Variants in CUBN observed in about 807,000 individuals in gnomAD.
CUBN encodes 460 kDa receptor.
A neutral mutation model predicts 405.3 loss-of-function variants in CUBN; 282 were observed. The observed-to-expected ratio is 0.70, with a 90% CI of 0.63 to 0.77. The LOEUF is 0.77. CUBN is among the 30% of genes least tolerant of loss of function. The pLI, the probability that CUBN is intolerant of heterozygous loss-of-function variation, is 0.00. For missense variants in CUBN, 4,514 were observed against 4,475.2 expected, an observed-to-expected ratio of 1.01 and a Z score of -0.25; for synonymous variants, 1,684 against 1,617.0, an observed-to-expected ratio of 1.04 and a Z score of -0.99.
At chr10:16,963,986 G>A (rs932070293) in intron 31 of CUBN, among the ~76,000 whole-genome samples, 3 of 152,188 alleles carry the variant, frequency 2.0e-5, no homozygotes, top group African/African-American at 7.2e-5. Flanking sequence ...TCAATGATAG[G>A]AGCATGTGGG....
chr10:17,075,831 G>A (rs1835844379), intron 17 of CUBN, among the ~76,000 whole-genome samples: 1 of 152,078 alleles, frequency 6.6e-6, no homozygotes, highest in African/African-American at 2.4e-5. Context: ...CTGAGGGAAG[G>A]GAAAAATTTC....
At chr10:16,936,569 C>A (rs145893687) in intron 39 of CUBN, among the ~76,000 whole-genome samples, 189 of 152,212 alleles carry the variant, frequency 1.2e-3, no homozygotes, top group African/African-American at 4.1e-3. Context: ...GTTCAGAGTT[C>A]GAATATTCTT....
Position 17,071,508 on chromosome 10 carries a change from T to A in CUBN, c.2543A>T (p.Gln848Leu). The A allele has an allele frequency of 6.2e-7, 1 of 1,614,078 alleles. No homozygotes were observed. Among genetic ancestry groups the A allele is most frequent in the Non-Finnish European group, 8.5e-7 (1 of 1,179,958 alleles). ...GAGGAGAATGACTTGGCTTTGGGGCTGGTGGATGGTCCACCTACAGGTTCT... is the reference window on the plus strand; with the variant it reads ...GAGGAGAATGACTTGGCTTTGGGGCAGGTGGATGGTCCACCTACAGGTTCT... Reference protein sequence around the residue: ...GERTCRWTIHQPQSQVILLNF... With the variant: ...GERTCRWTIHLPQSQVILLNF... The change falls in exon 19 of 67, where the codon CAG becomes CTG. Residue 848 changes from glutamine (Q) to leucine (L), a missense_variant. Coordinates refer to ENST00000377833, the MANE Select transcript of CUBN (RefSeq NM_001081.4).
At chr10:17,022,425 T>C (rs1834523996) in intron 27 of CUBN, among the ~76,000 whole-genome samples, 1 of 152,228 alleles carries the variant, frequency 6.6e-6, no homozygotes, top group Admixed American at 6.5e-5. Flanking sequence ...TTCGTACTGC[T>C]GCTTTGAATG....
intron 4 of CUBN, among the ~76,000 whole-genome samples, chr10:17,124,663 C>T (rs999085266): frequency 1.4e-4 from 21 of 151,936 alleles, no homozygotes; most frequent in Admixed American, 4.6e-4. Context: ...CTCCTGACCT[C>T]GTGATCCGCC....
intron 28 of CUBN, 28 bp downstream of exon 28, chr10:17,019,805 A>G: frequency 6.2e-7 from 1 of 1,614,018 alleles, no homozygotes; most frequent in Non-Finnish European, 8.5e-7. Context: ...GCAACTGCAA[A>G]TACAACTGAG....
intron 3 of CUBN, among the ~76,000 whole-genome samples, chr10:17,127,009 T>A (rs544513844): frequency 5.9e-5 from 9 of 152,230 alleles, no homozygotes; most frequent in South Asian, 2.1e-4. Flanking sequence ...GGGGTTTTTT[T>A]AAGTTTTTTT....
intron 60 of CUBN, among the ~76,000 whole-genome samples, chr10:16,846,331 T>C (rs1444202979): frequency 6.6e-6 from 1 of 152,244 alleles, no homozygotes; most frequent in East Asian, 1.9e-4. Context: ...AAAAGGAATC[T>C]ATTTTATTAT....
At chr10:17,122,549 T>A in intron 6 of CUBN, 1 of 553,852 alleles carries the variant, frequency 1.8e-6, no homozygotes. Context: ...CACGGGAGCC[T>A]TCTTCCGGTT....
chr10:16,926,282 T>A (rs1446093483), intron 41 of CUBN, among the ~76,000 whole-genome samples: 1 of 152,086 alleles, frequency 6.6e-6, no homozygotes, highest in Admixed American at 6.6e-5. Flanking sequence ...TAGAGGTACA[T>A]CATGGAAGTC....
chr10:16,988,032 C>T (rs1438360766), intron 29 of CUBN, among the ~76,000 whole-genome samples: 1 of 152,146 alleles, frequency 6.6e-6, no homozygotes, highest in Non-Finnish European at 1.5e-5. Context: ...ATAGGGCTCT[C>T]CTTGAAAGCC....
chr10:17,084,405 C>G lies in CUBN; in HGVS notation c.2167G>C (p.Glu723Gln), dbSNP rs1836052580. Residue 723 changes from glutamate (E) to glutamine (Q), a missense_variant, in exon 17 of 67, where the codon GAG becomes CAG. Physicochemically the swap from Glu to Gln is conservative, Grantham distance 29 (BLOSUM62 2). Around this residue, in one of 5 missense-constraint regions of CUBN, gnomAD observed 1,448 missense variants for 1,388.0 expected, o/e 1.04. Transcript: ENST00000377833. The stretch of plus-strand genomic sequence containing the variant: ...GTGTGAGTGAAAGGCCCAGACAACT[C>G]AGGCAAGAAGAGTTCACCCTCTGGG... ...TDPEGELFLP[E>Q]LSGPFTHTRQ... 1 of 1,613,964 alleles carries G rather than the reference C, an allele frequency of 6.2e-7. No homozygotes were observed. Among genetic ancestry groups the G allele is most frequent in the African/African-American group, 1.3e-5 (1 of 74,940 alleles).
chr10:17,071,948 A>T lies in CUBN; in HGVS notation c.2325T>A (p.Leu775=), dbSNP rs777466746. 1.2e-6 allele frequency: 2 copies of T among 1,612,954 alleles called. No individual in the cohort carries two copies. Among genetic ancestry groups the T allele is most frequent in the Admixed American group, 1.7e-5 (1 of 59,954 alleles). ...YIEVRDGETL[L]GKVCGNGTIS... is the part of the protein sequence containing the mutation. ...TGGTTCCGTTGCCACAGACTTTTCC[A>T]AGTAAGGTTTCACCATCTCGAACCT... is the stretch of plus-strand genomic sequence containing the variant. The change falls in exon 18 of 67, where the codon CTT becomes CTA. Residue 775 remains leucine (L), a synonymous_variant. Coordinates refer to ENST00000377833, the MANE Select transcript of CUBN (RefSeq NM_001081.4).
rs545508501 is a variant in CUBN, at chr10:16,967,527, T to C, written c.4696-12979A>G. On this transcript the variant is annotated intron_variant, in intron 31 of 66. Coordinates refer to ENST00000377833, the MANE Select transcript of CUBN (RefSeq NM_001081.4). ...CACTGGCTCAGCATTTGGTTGTTAA[T>C]AAGACACCCGCACCAGGAAGCAAAG... Among the ~76,000 whole-genome samples the C allele has an allele frequency of 5.3e-5, 8 of 152,202 alleles. No individual in the cohort carries two copies. The South Asian group carries it at 1.7e-3, about 32-fold the overall frequency.
intron 60 of CUBN, among the ~76,000 whole-genome samples, chr10:16,850,746 T>A (rs867523002): frequency 1.2e-4 from 19 of 152,232 alleles, no homozygotes; most frequent in South Asian, 2.1e-4. Flanking sequence ...TTGCTGGAAT[T>A]ACAGGCATGA....
intron 56 of CUBN, among the ~76,000 whole-genome samples, chr10:16,886,084 T>A (rs1380534278): frequency 6.6e-6 from 1 of 152,224 alleles, no homozygotes; most frequent in Non-Finnish European, 1.5e-5. Context: ...CTTTTTATGG[T>A]ACTGGGATTT....
chr10:16,899,418 G>C (rs1446206521), intron 53 of CUBN, among the ~76,000 whole-genome samples: 1 of 152,168 alleles, frequency 6.6e-6, no homozygotes, highest in East Asian at 1.9e-4. Context: ...ATTCAACCAA[G>C]AACACTAATC....
chr10:16,916,782 G>A (rs1201073799), intron 45 of CUBN, among the ~76,000 whole-genome samples: 1 of 151,572 alleles, frequency 6.6e-6, no homozygotes, highest in African/African-American at 2.4e-5. Context: ...TGCTGAAGAG[G>A]CATATTTGCT....
At chr10:16,910,480 C>T (rs1001957989) in intron 48 of CUBN, among the ~76,000 whole-genome samples, 1 of 152,174 alleles carries the variant, frequency 6.6e-6, no homozygotes, top group African/African-American at 2.4e-5. Flanking sequence ...AGTGATTCGT[C>T]GCTGGAGTTT....
Sources: gnomAD v4.1 joint callset for allele counts (sites outside exome capture counted in the v4.1 genomes callset) on GRCh38, gnomAD v4.1.1 for gene constraint, gnomAD v4.1.1 regional missense constraint, MANE v1.5 for transcripts, NCBI Gene and HGNC (gene_info 2026-07-23, HGNC 2026-07-21) for gene names.